The following LRRK2 variants were observed in gnomAD, a reference collection of about 807,000 sequenced individuals.
LRRK2 encodes leucine-rich repeat serine/threonine-protein kinase 2.
In LRRK2, 203 loss-of-function variants were observed where a neutral mutation model predicts 302.6. The observed-to-expected ratio is 0.67, with a 90% CI of 0.60 to 0.75. The LOEUF (loss-of-function observed/expected upper bound fraction) is 0.75, where lower values mean the gene tolerates loss of function less well. LRRK2 is among the 30% of genes least tolerant of loss of function. The pLI, the probability that LRRK2 is intolerant of heterozygous loss-of-function variation, is 0.00. For synonymous variants in LRRK2, 1,066 were observed against 1,031.9 expected (o/e 1.03, Z -0.63); for missense variants, 2,830 against 2,951.0 (o/e 0.96, Z 0.95).
intron 23 of LRRK2, among the ~76,000 whole-genome samples, chr12:40,296,579 C>G (rs774944130): frequency 6.6e-6 from 1 of 151,884 alleles, no homozygotes; most frequent in Non-Finnish European, 1.5e-5. Flanking sequence ...TTGCAGTGAG[C>G]CAAGATCGCA....
chr12:40,235,247 G>A (rs1325220977), intron 3 of LRRK2, among the ~76,000 whole-genome samples: 1 of 152,102 alleles, frequency 6.6e-6, no homozygotes, highest in African/African-American at 2.4e-5. Context: ...AAGGCAGGAG[G>A]ATCACTTGAA....
intron 20 of LRRK2, 38 bp from the exon 21 acceptor site, chr12:40,293,507 G>A (rs1030619942): frequency 7.7e-7 from 1 of 1,291,730 alleles, no homozygotes; most frequent in Non-Finnish European, 1.1e-6. Flanking sequence ...TAAGCTTTTT[G>A]TATTCACCTT....
At chr12:40,354,190 C>A in intron 44 of LRRK2, 109 bp from the exon 45 acceptor site, 1 of 917,672 alleles carries the variant, frequency 1.1e-6, no homozygotes. Context: ...AAAAGTAATG[C>A]AAGAAAGCAA....
intron 8 of LRRK2, among the ~76,000 whole-genome samples, chr12:40,250,329 A>C (rs1592161222): frequency 6.6e-6 from 1 of 152,208 alleles, no homozygotes; most frequent in South Asian, 2.1e-4. Flanking sequence ...ATCTCTACTA[A>C]AAATATAAAA....
At chr12:40,291,686 G>A (rs1344227383) in intron 20 of LRRK2, among the ~76,000 whole-genome samples, 5 of 151,840 alleles carry the variant, frequency 3.3e-5, no homozygotes, top group South Asian at 4.1e-4. Context: ...TGAAAAGAAA[G>A]TATATTCAGC....
chr12:40,358,935 T>A (rs1049952118), intron 46 of LRRK2, among the ~76,000 whole-genome samples: 1 of 152,128 alleles, frequency 6.6e-6, no homozygotes, highest in Non-Finnish European at 1.5e-5. Context: ...TCGTTCATCA[T>A]CTTTGTTAAA....
intron 43 of LRRK2, among the ~76,000 whole-genome samples, chr12:40,351,050 C>T (rs988399846): frequency 6.6e-6 from 1 of 152,146 alleles, no homozygotes; most frequent in East Asian, 1.9e-4. Flanking sequence ...TTCCTGACTT[C>T]TGGTTCTGTT....
Position 40,240,472 on chromosome 12 carries a change from T to C in LRRK2, c.572-11T>C. 1 of 1,611,056 alleles carries C rather than the reference T, an allele frequency of 6.2e-7. No homozygotes were observed. Among genetic ancestry groups the C allele is most frequent in the South Asian group, 1.1e-5 (1 of 90,968 alleles). ...TTAAGCTTATTCAGTATTTTGTCTT[T>C]CATTTTTAAGTCTCAGAGGAGCAAC... On this transcript the variant is annotated splice_polypyrimidine_tract_variant and intron_variant, in intron 5 of 50. Transcript: ENST00000298910.
chr12:40,326,938 A>G (rs906530039), intron 38 of LRRK2, among the ~76,000 whole-genome samples: 2 of 152,234 alleles, frequency 1.3e-5, no homozygotes, highest in African/African-American at 4.8e-5. Flanking sequence ...ACTCTCTCTG[A>G]GCATAAAATA....
chr12:40,270,679 A>G (rs1032650855), intron 14 of LRRK2, among the ~76,000 whole-genome samples: 2 of 152,082 alleles, frequency 1.3e-5, no homozygotes, highest in Non-Finnish European at 2.9e-5. Flanking sequence ...CTTGAAATCC[A>G]TCCACTTTAT....
chr12:40,239,302 T>C (rs569629038), intron 5 of LRRK2, among the ~76,000 whole-genome samples: 2 of 152,302 alleles, frequency 1.3e-5, no homozygotes, highest in African/African-American at 4.8e-5. Flanking sequence ...AGAAGATAGT[T>C]TACAGCGAGT....
chr12:40,290,783 G>T (rs964213044), intron 20 of LRRK2, among the ~76,000 whole-genome samples: 13 of 151,864 alleles, frequency 8.6e-5, no homozygotes, highest in African/African-American at 3.1e-4. Context: ...TCTATTGTTT[G>T]TGTTACTTTC....
At chr12:40,326,198 C>T (rs1422142250) in intron 38 of LRRK2, among the ~76,000 whole-genome samples, 1 of 152,160 alleles carries the variant, frequency 6.6e-6, no homozygotes, top group African/African-American at 2.4e-5. Flanking sequence ...GGCGCAGTGG[C>T]TCATGCCTGT....
At position 40,299,239 on chromosome 12, in the gene LRRK2, G is replaced by A. The variant is rs1565727860; in HGVS notation, c.3478G>A (p.Ala1160Thr). The A allele has an allele frequency of 6.2e-7, 1 of 1,613,344 alleles. No homozygotes were observed. The highest frequency in any genetic ancestry group is 8.5e-7 in the Non-Finnish European group (1 of 1,179,644). The change falls in exon 25 of 51, where the codon GCC becomes ACC. Residue 1160 changes from alanine (A) to threonine (T), a missense_variant. Ala to Thr is a moderately conservative substitution (Grantham distance 58). Coordinates refer to ENST00000298910, the MANE Select transcript of LRRK2 (RefSeq NM_198578.4). ...TTGTCCTAAAGTGGAGAGTTTCAGT[G>A]CCAGAATGAATTTTCTTGGTAAGTG... Reference protein sequence around the residue: ...EACPKVESFSARMNFLAAMPF... With the variant: ...EACPKVESFSTRMNFLAAMPF...
intron 43 of LRRK2, among the ~76,000 whole-genome samples, chr12:40,351,091 G>T (rs1946337035): frequency 6.6e-6 from 1 of 151,988 alleles, no homozygotes; most frequent in Non-Finnish European, 1.5e-5. Context: ...TGTCTCTCCA[G>T]ATCAAAAACA....
chr12:40,246,604 C>G (rs1941996744), intron 7 of LRRK2, among the ~76,000 whole-genome samples: 1 of 152,030 alleles, frequency 6.6e-6, no homozygotes, highest in Admixed American at 6.6e-5. Context: ...GCCTTGTTTT[C>G]TTGTATGGTT....
chr12:40,274,843 T>A lies in LRRK2; in HGVS notation c.1802-11T>A. On this transcript the variant is annotated splice_polypyrimidine_tract_variant and intron_variant, in intron 15 of 50. Transcript: ENST00000298910. ...GAGATTTAAAACAATTCTTTTTTTT[T>A]ATTTTCCTAGAAATTCAGTGTCTGG... 14 of 1,609,512 alleles carry A rather than the reference T, an allele frequency of 8.7e-6. No individual in the cohort carries two copies. The highest frequency in any genetic ancestry group is 1.2e-5 in the Non-Finnish European group (14 of 1,176,246).
chr12:40,345,645 A>AAG (rs1392935244), intron 41 of LRRK2, among the ~76,000 whole-genome samples: 1 of 147,262 alleles, frequency 6.8e-6, no homozygotes, highest in African/African-American at 2.5e-5. Flanking sequence ...AAAAAAAAAA[A>AAG]GAAAGAAAGA....
At position 40,321,194 on chromosome 12, in the gene LRRK2, T is replaced by C; in HGVS notation, c.5170+6T>C. The C allele has an allele frequency of 6.2e-7, 1 of 1,610,090 alleles. No homozygotes were observed. The highest frequency in any genetic ancestry group is 2.2e-5 in the East Asian group (1 of 44,774). On this transcript the variant is annotated splice_donor_region_variant and intron_variant, in intron 35 of 50. Coordinates refer to ENST00000298910, the MANE Select transcript of LRRK2 (RefSeq NM_198578.4). ...TTACATGCTTTCAGGGAGAGGTAAG[T>C]ATCTAATGAAGACTTATTAGATTTT...
Sources: allele counts gnomAD v4.1 joint callset (sites outside exome capture counted in the v4.1 genomes callset), GRCh38; gene constraint gnomAD v4.1.1; transcripts MANE v1.5; gene names NCBI Gene and HGNC (gene_info 2026-07-23, HGNC 2026-07-21).